UBE2F: variants seen among roughly 807,000 people sequenced by gnomAD.
UBE2F encodes the protein ubiquitin conjugating enzyme E2 F (putative).
Under a neutral mutation model 29.6 loss-of-function variants are expected in UBE2F, and 5 were observed. The ratio of observed to expected loss-of-function variants is 0.17; its 90% confidence interval spans 0.09 to 0.36. The LOEUF is 0.36. UBE2F is among the 10% of genes least tolerant of loss of function. The pLI is 1.00. For missense variants in UBE2F, 141 were observed against 228.5 expected, an observed-to-expected ratio of 0.62 and a Z score of 2.47; for synonymous variants, 66 against 81.8, an observed-to-expected ratio of 0.81 and a Z score of 1.04.
intron 4 of UBE2F, among the ~76,000 whole-genome samples, chr2:237,997,723 C>G (rs1404698095): frequency 6.6e-6 from 1 of 152,134 alleles, no homozygotes; most frequent in Non-Finnish European, 1.5e-5. Context: ...TTATCTGGCT[C>G]CTGTTCACAC....
chr2:238,037,529 C>G (rs1006807850), intron 9 of UBE2F, among the ~76,000 whole-genome samples: 5 of 152,248 alleles, frequency 3.3e-5, no homozygotes, highest in African/African-American at 1.2e-4. Flanking sequence ...GTGGTAGAAC[C>G]TCGCACTCCG....
intron 4 of UBE2F, among the ~76,000 whole-genome samples, chr2:237,996,463 G>A (rs1482425343): frequency 2.2e-5 from 3 of 138,210 alleles, no homozygotes; most frequent in Non-Finnish European, 3.0e-5. Context: ...TTTCTTCCCC[G>A]CCTCCCCTCC....
At chr2:238,012,521 G>A (rs529765190) in intron 4 of UBE2F, among the ~76,000 whole-genome samples, 86 of 152,190 alleles carry the variant, frequency 5.7e-4, no homozygotes, top group Admixed American at 1.9e-3. Flanking sequence ...TACCAATGTA[G>A]TATTTTTAAA....
At chr2:237,985,644 A>G in intron 2 of UBE2F, among the ~76,000 whole-genome samples, 1 of 152,246 alleles carries the variant, frequency 6.6e-6, no homozygotes, top group East Asian at 1.9e-4. Context: ...ATTGTGAATA[A>G]TAGTCCAATG....
At chr2:238,036,405 G>A (rs2064708997) in intron 9 of UBE2F, among the ~76,000 whole-genome samples, 1 of 151,968 alleles carries the variant, frequency 6.6e-6, no homozygotes, top group Non-Finnish European at 1.5e-5. Flanking sequence ...GTCTTGAACG[G>A]TTGGCCTCAA....
chr2:237,967,074 G>T lies in UBE2F; in HGVS notation c.-75G>T. 2.3e-6 allele frequency: 3 copies of T among 1,331,540 alleles called. No individual in the cohort carries two copies. The highest frequency in any genetic ancestry group is 2.9e-6 in the Non-Finnish European group (3 of 1,039,378). 82.5% of individuals were successfully genotyped at this position (1,331,540 alleles called of 1,614,324 possible). On this transcript the variant is annotated 5_prime_UTR_variant, in exon 1 of 10. Transcript: ENST00000272930. The surrounding 1 kb of genome is among the most constrained non-coding windows in gnomAD (Gnocchi z 6.3). ...TGAGGGGCCGCGTCTCGCAGCAGCC[G>T]CCCGGACCGGGCATGGTGTTGGGCG...
intron 4 of UBE2F, among the ~76,000 whole-genome samples, chr2:238,007,935 T>C (rs1343162792): frequency 2.6e-5 from 4 of 152,180 alleles, no homozygotes; most frequent in African/African-American, 9.7e-5. Context: ...GAAGAGTTTG[T>C]GTAAAATTAG....
chr2:238,033,908 T>A (rs1426480548), intron 8 of UBE2F, among the ~76,000 whole-genome samples: 2 of 152,192 alleles, frequency 1.3e-5, no homozygotes, highest in Admixed American at 6.5e-5. Context: ...TGCTGCATTG[T>A]AATATTGAGC....
chr2:237,995,624 A>G (rs1576606853), intron 4 of UBE2F, among the ~76,000 whole-genome samples: 2 of 152,230 alleles, frequency 1.3e-5, no homozygotes, highest in Non-Finnish European at 2.9e-5. Flanking sequence ...TAAAATGTGG[A>G]AAAGAATACA....
chr2:238,017,177 C>T (rs1267492886), intron 5 of UBE2F, among the ~76,000 whole-genome samples: 2 of 152,014 alleles, frequency 1.3e-5, no homozygotes, highest in East Asian at 3.8e-4. Context: ...GTTGATAAAG[C>T]GATAAAAATG....
chr2:237,985,587 C>G (rs2063465546), intron 2 of UBE2F, among the ~76,000 whole-genome samples: 1 of 152,194 alleles, frequency 6.6e-6, no homozygotes, highest in Non-Finnish European at 1.5e-5. Context: ...ACCACAATTT[C>G]TTTATCCAGT....
chr2:238,004,162 C>A (rs977341159), intron 4 of UBE2F, among the ~76,000 whole-genome samples: 1 of 152,142 alleles, frequency 6.6e-6, no homozygotes, highest in Non-Finnish European at 1.5e-5. Context: ...TCTCAGTTTT[C>A]TTAAATTATA....
intron 3 of UBE2F, chr2:237,990,365 C>T (rs2063560227): frequency 2.2e-6 from 1 of 450,254 alleles, no homozygotes; most frequent in East Asian, 7.3e-5. Context: ...CTTATCTTCC[C>T]ACAGGCCCCC....
intron 3 of UBE2F, among the ~76,000 whole-genome samples, chr2:237,990,145 A>G (rs966013852): frequency 6.1e-5 from 9 of 147,382 alleles, no homozygotes; most frequent in African/African-American, 2.3e-4. Flanking sequence ...TTATCTTTCT[A>G]CCCACTGAAG....
intron 6 of UBE2F, among the ~76,000 whole-genome samples, chr2:238,030,112 A>G (rs1237991727): frequency 6.6e-6 from 1 of 151,978 alleles, no homozygotes; most frequent in Non-Finnish European, 1.5e-5. Context: ...AATTTTTAGT[A>G]GAGACAGGGT....
chr2:237,967,053 G>A lies in UBE2F; in HGVS notation c.-96G>A. The A allele has an allele frequency of 2.3e-6, 3 of 1,316,896 alleles. No individual in the cohort carries two copies. The highest frequency in any genetic ancestry group is 2.0e-5 in the South Asian group (1 of 51,268). 81.6% of individuals were successfully genotyped at this position (1,316,896 alleles called of 1,614,324 possible). ...CGCCGGGAGCCGGTGCGGCTGTGAG[G>A]GGCCGCGTCTCGCAGCAGCCGCCCG... On this transcript the variant is annotated 5_prime_UTR_variant, in exon 1 of 10. Transcript: ENST00000272930. This position sits in a 1 kb window ranked among gnomAD's most constrained non-coding sequence, Gnocchi z 6.3.
intron 9 of UBE2F, among the ~76,000 whole-genome samples, chr2:238,039,849 A>G (rs2064801822): frequency 6.6e-6 from 1 of 152,314 alleles, no homozygotes; most frequent in East Asian, 1.9e-4. Flanking sequence ...ATGGAGAGGC[A>G]GGGGGCATTT....
chr2:237,993,133 G>A (rs201847169), intron 3 of UBE2F, among the ~76,000 whole-genome samples: 10 of 151,768 alleles, frequency 6.6e-5, no homozygotes, highest in Non-Finnish European at 1.3e-4. Context: ...GACTACAGGC[G>A]CCCGCCACCT....
At chr2:238,039,494 C>T (rs1445882780) in intron 9 of UBE2F, among the ~76,000 whole-genome samples, 1 of 152,218 alleles carries the variant, frequency 6.6e-6, no homozygotes, top group East Asian at 1.9e-4. Flanking sequence ...ACACAGAGTG[C>T]ACTTGTTTCT....
Sources: gnomAD v4.1 joint callset for allele counts (sites outside exome capture counted in the v4.1 genomes callset) on GRCh38, gnomAD v4.1.1 for gene constraint, Gnocchi (gnomAD v3.1) non-coding constraint, MANE v1.5 for transcripts, NCBI Gene and HGNC (gene_info 2026-07-23, HGNC 2026-07-21) for gene names.